Variants in HS3ST1 observed in about 807,000 individuals in gnomAD.
The protein encoded by HS3ST1 is heparan sulfate-glucosamine 3-sulfotransferase 1.
A neutral mutation model predicts 20.7 loss-of-function variants in HS3ST1; 8 were observed. That is an observed-to-expected ratio of 0.39 (90% CI 0.23 to 0.70). The LOEUF (loss-of-function observed/expected upper bound fraction) is 0.70. Ranked by LOEUF, HS3ST1 falls within the 30% of genes least tolerant of loss-of-function variation. The pLI is 0.46. For synonymous variants in HS3ST1, 205 were observed against 190.4 expected, an observed-to-expected ratio of 1.08 and a Z score of -0.63; for missense variants, 436 against 423.4, an observed-to-expected ratio of 1.03 and a Z score of -0.26.
rs764361372 is a variant in HS3ST1 at position 11,399,593 on chromosome 4, G to C, written c.413C>G (p.Pro138Arg). 1.2e-6 allele frequency: 2 copies of C among 1,613,878 alleles called. No individual in the cohort carries two copies. Among genetic ancestry groups the C allele is most frequent in the Middle Eastern group, 1.6e-4 (1 of 6,062 alleles). The change falls in exon 2 of 2, where the codon CCG (proline) becomes CGG (arginine). Residue 138 changes from proline (P) to arginine (R), a missense_variant. Transcript: ENST00000002596. This position sits in a 1 kb window ranked among gnomAD's most constrained non-coding sequence, Gnocchi z 5.1. The stretch of plus-strand genomic sequence containing the variant: ...CAGGATGAGCAGCAGCCGGATGGAC[G>C]GGTTCATGCTGTAGACTCGCTCAGG... The part of the protein sequence containing the change: ...KVPERVYSMN[P>R]SIRLLLILRD...
At chr4:11,430,420 T>G (rs1387830988), upstream of HS3ST1, among the ~76,000 whole-genome samples, 1 of 152,170 alleles carries the variant, frequency 6.6e-6, no homozygotes, top group East Asian at 1.9e-4. Context: ...CTGTGTAAAA[T>G]CATGTGTGAG....
chr4:11,411,117 T>C (rs1408506189), intron 1 of HS3ST1, among the ~76,000 whole-genome samples: 1 of 152,146 alleles, frequency 6.6e-6, no homozygotes, highest in African/African-American at 2.4e-5. Context: ...TGGTTTATCA[T>C]GATCATTTGA....
At chr4:11,417,385 G>A (rs894325853) in intron 1 of HS3ST1, among the ~76,000 whole-genome samples, 1 of 151,992 alleles carries the variant, frequency 6.6e-6, no homozygotes, top group African/African-American at 2.4e-5. Context: ...TGGTGGGGGC[G>A]GCTCTAGACA....
chr4:11,403,155 A>C (rs1718373144), intron 1 of HS3ST1, among the ~76,000 whole-genome samples: 1 of 152,222 alleles, frequency 6.6e-6, no homozygotes, highest in Non-Finnish European at 1.5e-5. Flanking sequence ...TGTATCTTTT[A>C]TGTGTATATG....
rs1336652980 is a variant in HS3ST1 at position 11,396,355 on chromosome 4, C to T, written c.*2727G>A. The T allele has an allele frequency of 6.6e-6, 1 of 152,294 alleles. No homozygotes were observed. The highest frequency in any genetic ancestry group is 1.5e-5 in the Non-Finnish European group (1 of 68,112). The allele number at this position is 152,294 out of a possible 1,614,324, so 9.4% of individuals were successfully genotyped here. A position where few individuals can be genotyped will look rare whatever the true frequency, so the allele number is the denominator to read the frequency against. The stretch of plus-strand genomic sequence containing the variant: ...TGTGTGAATATTCCAAATCTAATAG[C>T]TGAGGCTTGGTTCAGTTGTTCTCAC... On this transcript the variant is annotated 3_prime_UTR_variant, in exon 2 of 2. Transcript: ENST00000002596.
At chr4:11,430,470 C>A (rs1268397283), upstream of HS3ST1, among the ~76,000 whole-genome samples, 1 of 152,118 alleles carries the variant, frequency 6.6e-6, no homozygotes, top group African/African-American at 2.4e-5. Context: ...AAAGTTCTGC[C>A]AATTACTGGT....
Position 11,413,712 on chromosome 4 carries a change from T to A in HS3ST1, c.-108-13599A>T, listed in dbSNP as rs542881041. Among the ~76,000 whole-genome samples the A allele has an allele frequency of 3.3e-5, 5 of 152,136 alleles. No homozygotes were observed. The East Asian group carries it at 9.7e-4, about 30-fold the overall frequency. On this transcript the variant is annotated intron_variant, in intron 1 of 1. Transcript: ENST00000002596. ...AAAACAAAAACAGCCATGATCACCTTAGGGTTAGGGCTGTGAGAGGGCTAA... is the reference window on the plus strand; with the variant it reads ...AAAACAAAAACAGCCATGATCACCTAAGGGTTAGGGCTGTGAGAGGGCTAA...
At chr4:11,402,456 T>C (rs1718350322) in intron 1 of HS3ST1, among the ~76,000 whole-genome samples, 1 of 152,212 alleles carries the variant, frequency 6.6e-6, no homozygotes, top group African/African-American at 2.4e-5. Context: ...TTCATTTCCT[T>C]CTCAAGTCAC....
intron 1 of HS3ST1, among the ~76,000 whole-genome samples, chr4:11,405,040 G>GGACA (rs1305742170): frequency 1.3e-5 from 2 of 152,222 alleles, no homozygotes; most frequent in Non-Finnish European, 2.9e-5. Flanking sequence ...GGCAATGTCT[G>GGACA]GAGTTAGTGA....
chr4:11,431,115 T>C (rs1390397534), upstream of HS3ST1, among the ~76,000 whole-genome samples: 1 of 152,052 alleles, frequency 6.6e-6, no homozygotes, highest in African/African-American at 2.4e-5. Flanking sequence ...ATCTGTCTTC[T>C]CTAATAGATT....
intron 1 of HS3ST1, among the ~76,000 whole-genome samples, chr4:11,421,618 AC>A (rs1718937838): frequency 6.6e-6 from 1 of 152,204 alleles, no homozygotes; most frequent in South Asian, 2.1e-4. Context: ...AAAACAACCT[AC>A]CACAGGGTGT....
intron 1 of HS3ST1, among the ~76,000 whole-genome samples, chr4:11,405,193 G>A (rs1202990942): frequency 1.3e-5 from 2 of 152,210 alleles, no homozygotes; most frequent in Admixed American, 6.5e-5. Flanking sequence ...TGGGTTAATA[G>A]GTCCCAAAGG....
At chr4:11,400,188 C>T (rs372672614) in intron 1 of HS3ST1, 75 bp from the exon 2 acceptor site, 1 of 1,263,408 alleles carries the variant, frequency 7.9e-7, no homozygotes, top group Non-Finnish European at 1.0e-6. Context: ...TGTAGCCACT[C>T]TGTAGTGAGG....
chr4:11,431,315 C>T (rs1041803073), upstream of HS3ST1, among the ~76,000 whole-genome samples: 1 of 151,746 alleles, frequency 6.6e-6, no homozygotes, highest in African/African-American at 2.4e-5. Context: ...CTTTCAAAGC[C>T]GTGGGCATGA....
intron 1 of HS3ST1, among the ~76,000 whole-genome samples, chr4:11,425,873 T>G (rs950614846): frequency 1.3e-5 from 2 of 152,148 alleles, no homozygotes; most frequent in African/African-American, 4.8e-5. Flanking sequence ...AGCACTCTCC[T>G]GCCTTCTGCC....
chr4:11,400,837 G>C (rs924185136), intron 1 of HS3ST1, among the ~76,000 whole-genome samples: 6 of 152,242 alleles, frequency 3.9e-5, no homozygotes, highest in African/African-American at 1.4e-4. Context: ...TCAGTCCCCA[G>C]CCTGGCTGCA....
At chr4:11,433,020 G>T (rs1250076907), upstream of HS3ST1, among the ~76,000 whole-genome samples, 1 of 152,160 alleles carries the variant, frequency 6.6e-6, no homozygotes, top group Admixed American at 6.5e-5. Flanking sequence ...GGCATATGTG[G>T]TTATGAGGTC....
At chr4:11,422,403 G>A (rs1175699934) in intron 1 of HS3ST1, among the ~76,000 whole-genome samples, 1 of 152,168 alleles carries the variant, frequency 6.6e-6, no homozygotes, top group Non-Finnish European at 1.5e-5. Context: ...GAGAAAGTAA[G>A]CAAATAAGCC....
intron 1 of HS3ST1, among the ~76,000 whole-genome samples, chr4:11,425,148 A>T (rs539007874): frequency 6.6e-6 from 1 of 152,222 alleles, no homozygotes; most frequent in Non-Finnish European, 1.5e-5. Context: ...CACTCATTCA[A>T]TTATTCCAAA....
Sources: gnomAD v4.1 joint callset for allele counts (sites outside exome capture counted in the v4.1 genomes callset) on GRCh38, gnomAD v4.1.1 for gene constraint, Gnocchi (gnomAD v3.1) non-coding constraint, MANE v1.5 for transcripts, NCBI Gene and HGNC (gene_info 2026-07-23, HGNC 2026-07-21) for gene names.